The following TAFA5 variants were observed in gnomAD, a reference collection of about 807,000 sequenced individuals.
TAFA5 encodes the protein chemokine-like protein TAFA-5.
A neutral mutation model predicts 15.3 loss-of-function variants in TAFA5; 6 were observed. The ratio of observed to expected loss-of-function variants is 0.39; its 90% CI spans 0.21 to 0.77. The LOEUF (loss-of-function observed/expected upper bound fraction) is 0.77. TAFA5 is among the 30% of genes least tolerant of loss of function. The pLI, the probability that TAFA5 is intolerant of heterozygous loss-of-function variation, is 0.41. For missense variants in TAFA5, 161 were observed against 193.1 expected (o/e 0.83, Z 0.98); for synonymous variants, 103 against 80.7 (o/e 1.28, Z -1.48).
chr22:48,592,406 C>G (rs1359342534), intron 1 of TAFA5, among the ~76,000 whole-genome samples: 2 of 152,232 alleles, frequency 1.3e-5, no homozygotes, highest in Non-Finnish European at 2.9e-5. Context: ...ACCTTGGAGG[C>G]TGTGGTGCAG....
rs943360251 is a variant in TAFA5, at chr22:48,634,498, TACTCATTTACTCATTC to T, written c.113-12091_113-12076del. On this transcript the variant is annotated intron_variant, in intron 1 of 3. Coordinates refer to ENST00000402357, the MANE Select transcript of TAFA5 (RefSeq NM_001082967.3). Reference sequence around the variant, plus strand: ...TCACTCAATCACTCCTTGACTCCTTTACTCATTTACTCATTCACTCATTCACTTATTCACACATTCA... The same window carrying T: ...TCACTCAATCACTCCTTGACTCCTTTACTCATTCACTTATTCACACATTCA... Among the ~76,000 whole-genome samples, 4 of 4,224 alleles carry T rather than the reference TACTCATTTACTCATTC, an allele frequency of 9.5e-4. No homozygotes were observed. In the African/African-American group the frequency reaches 0.015, roughly 16 times the overall value. The allele number at this position is 4,224 out of a possible 152,430, so 2.8% of individuals were successfully genotyped here. A position where few individuals can be genotyped will look rare whatever the true frequency, so the allele number is the denominator to read the frequency against.
intron 2 of TAFA5, among the ~76,000 whole-genome samples, chr22:48,660,009 T>A (rs1569068248): frequency 6.6e-6 from 1 of 152,204 alleles, no homozygotes; most frequent in Non-Finnish European, 1.5e-5. Flanking sequence ...CCTCCCCTGC[T>A]CCGGGTGTGG....
intron 1 of TAFA5, among the ~76,000 whole-genome samples, chr22:48,495,354 G>T (rs1005635553): frequency 6.6e-6 from 1 of 152,230 alleles, no homozygotes; most frequent in Non-Finnish European, 1.5e-5. Context: ...CAGAGGGGAG[G>T]GGACAGTCAG....
chr22:48,502,730 C>T (rs991405582), intron 1 of TAFA5, among the ~76,000 whole-genome samples: 4 of 152,020 alleles, frequency 2.6e-5, no homozygotes, highest in Admixed American at 6.6e-5. Context: ...CCATGTTGGC[C>T]GGGCTGATTT....
In TAFA5 at chr22:48,598,566, T is replaced by C. The variant is rs928593828; in HGVS notation, c.113-48031T>C. ...AGGCAGTTGTGTGAGATGACCTCCA[T>C]GTAGGCTGCCATGGTGTCACCGGCT... On this transcript the variant is annotated intron_variant, in intron 1 of 3. Transcript: ENST00000402357. The surrounding 1 kb of genome is among the most constrained non-coding windows in gnomAD (Gnocchi z 4.0). 3.9e-5 allele frequency among the ~76,000 whole-genome samples: 6 copies of C among 152,186 alleles called. No individual in the cohort carries two copies. Among genetic ancestry groups the C allele is most frequent in the Non-Finnish European group, 7.3e-5 (5 of 68,036 alleles).
In TAFA5 at chr22:48,664,850, G is replaced by C. The variant is rs568066355; in HGVS notation, c.262+18104G>C. On this transcript the variant is annotated intron_variant, in intron 2 of 3. Coordinates refer to ENST00000402357, the MANE Select transcript of TAFA5 (RefSeq NM_001082967.3). ...TCTGTCTGTGCCAAGGACGGTAGAC[G>C]TACAGGCTCTTTTGAATTTTTAGTC... Among the ~76,000 whole-genome samples, 7 of 152,288 alleles carry C rather than the reference G, an allele frequency of 4.6e-5. No homozygotes were observed. The South Asian group carries it at 1.2e-3, about 27-fold the overall frequency.
intron 1 of TAFA5, among the ~76,000 whole-genome samples, chr22:48,590,474 A>T (rs34345591): frequency 0.023 from 3,435 of 152,236 alleles, 50 homozygotes; most frequent in Non-Finnish European, 0.036. Context: ...CAGTGAGGTG[A>T]TACATGGGTA....
chr22:48,523,943 G>A (rs1921692140), intron 1 of TAFA5, among the ~76,000 whole-genome samples: 1 of 152,166 alleles, frequency 6.6e-6, no homozygotes, highest in Non-Finnish European at 1.5e-5. Context: ...AGCTGCCACT[G>A]CACACCCAGG....
At chr22:48,723,622 C>T (rs1929633892) in intron 3 of TAFA5, among the ~76,000 whole-genome samples, 1 of 152,214 alleles carries the variant, frequency 6.6e-6, no homozygotes, top group Admixed American at 6.5e-5. Flanking sequence ...CCATCCTCCC[C>T]CTGCCTGGAA....
intron 2 of TAFA5, among the ~76,000 whole-genome samples, chr22:48,660,787 G>A (rs1224157914): frequency 2.0e-5 from 3 of 152,202 alleles, no homozygotes; most frequent in African/African-American, 7.2e-5. Context: ...GTCAGCAGAA[G>A]TGAGGAGGCT....
intron 1 of TAFA5, among the ~76,000 whole-genome samples, chr22:48,575,916 C>T (rs1923763946): frequency 7.0e-6 from 1 of 141,972 alleles, no homozygotes; most frequent in Non-Finnish European, 1.6e-5. Context: ...GAGCCCCGGG[C>T]CGGAGCGAGC....
chr22:48,705,278 C>A (rs1455393697), intron 2 of TAFA5, among the ~76,000 whole-genome samples: 4 of 152,114 alleles, frequency 2.6e-5, no homozygotes, highest in African/African-American at 9.7e-5. Flanking sequence ...GGACACAGCA[C>A]CCCACAGCGT....
At chr22:48,657,811 G>A (rs1020716688) in intron 2 of TAFA5, among the ~76,000 whole-genome samples, 91 of 152,180 alleles carry the variant, frequency 6.0e-4, no homozygotes, top group African/African-American at 2.1e-3. Flanking sequence ...AGGGAGACCC[G>A]ATGATGAACA....
intron 1 of TAFA5, among the ~76,000 whole-genome samples, chr22:48,519,415 A>G (rs146880808): frequency 5.9e-5 from 9 of 152,368 alleles, no homozygotes; most frequent in South Asian, 2.1e-4. Context: ...CGGAGCGTCC[A>G]TGAAACAGGC....
At chr22:48,537,060 C>A (rs1261435170) in intron 1 of TAFA5, among the ~76,000 whole-genome samples, 3 of 152,194 alleles carry the variant, frequency 2.0e-5, no homozygotes, top group Non-Finnish European at 4.4e-5. Flanking sequence ...AGGAATGCCA[C>A]CCCAAACAAA....
chr22:48,650,207 G>A (rs548850270), intron 2 of TAFA5, among the ~76,000 whole-genome samples: 10 of 152,194 alleles, frequency 6.6e-5, no homozygotes, highest in African/African-American at 1.7e-4. Flanking sequence ...GGTTGAAATC[G>A]GGGAGGCACT....
intron 1 of TAFA5, among the ~76,000 whole-genome samples, chr22:48,581,341 T>A: frequency 6.6e-6 from 1 of 152,178 alleles, no homozygotes; most frequent in Non-Finnish European, 1.5e-5. Context: ...CGGGGCCAGC[T>A]GGGGGTCCCT....
At chr22:48,706,426 C>T (rs1929080358) in intron 2 of TAFA5, among the ~76,000 whole-genome samples, 2 of 152,352 alleles carry the variant, frequency 1.3e-5, no homozygotes, top group South Asian at 2.1e-4. Flanking sequence ...AAGCGAGCCA[C>T]ATGCAGTCCA....
intron 2 of TAFA5, among the ~76,000 whole-genome samples, chr22:48,653,581 C>T (rs1076788): frequency 0.65 from 98,481 of 152,044 alleles, 32,664 homozygotes; most frequent in South Asian, 0.77. Flanking sequence ...TTCATCAGAG[C>T]CCAGTTTTAC....
Sources: gnomAD v4.1 joint callset for allele counts (sites outside exome capture counted in the v4.1 genomes callset) on GRCh38, gnomAD v4.1.1 for gene constraint, Gnocchi (gnomAD v3.1) non-coding constraint, MANE v1.5 for transcripts, NCBI Gene and HGNC (gene_info 2026-07-23, HGNC 2026-07-21) for gene names.